RPGRIP1L: variants seen among roughly 807,000 people sequenced by gnomAD.
RPGRIP1L encodes protein fantom.
In RPGRIP1L, 131 loss-of-function variants were observed where a neutral mutation model predicts 160.4. The ratio of observed to expected loss-of-function variants is 0.82; its 90% confidence interval spans 0.71 to 0.94. RPGRIP1L has a LOEUF of 0.94. Among genes scored for constraint, RPGRIP1L ranks in the 40% least tolerant of loss-of-function variants. The pLI is 0.00. For missense variants in RPGRIP1L, 1,522 were observed against 1,535.8 expected, an observed-to-expected ratio of 0.99 and a Z score of 0.15; for synonymous variants, 510 against 515.8, an observed-to-expected ratio of 0.99 and a Z score of 0.15.
chr16:53,642,610 T>G (rs1966297325), intron 17 of RPGRIP1L, among the ~76,000 whole-genome samples: 1 of 152,040 alleles, frequency 6.6e-6, no homozygotes, highest in African/African-American at 2.4e-5. Context: ...AAACAACCAT[T>G]TAAGGAGTCT....
In RPGRIP1L at chr16:53,630,800, T is replaced by C. The variant is rs574595192; in HGVS notation, c.3294+5639A>G. Among the ~76,000 whole-genome samples, 52 of 152,240 alleles carry C rather than the reference T, an allele frequency of 3.4e-4. 1 individual carries two copies. The East Asian group carries it at 9.6e-3, about 28-fold the overall frequency. On this transcript the variant is annotated intron_variant, in intron 22 of 26. Coordinates refer to ENST00000647211, the MANE Select transcript of RPGRIP1L (RefSeq NM_015272.5). ...CCCAGGCTGGAGTGCAGTGGTGCAA[T>C]CTCGACTCACTGCAACCTCTGCCTC...
Position 53,641,100 on chromosome 16 carries a change from G to A in RPGRIP1L, c.2891C>T (p.Pro964Leu), listed in dbSNP as rs1277659338. The A allele has an allele frequency of 1.2e-6, 2 of 1,613,618 alleles. No individual in the cohort carries two copies. The highest frequency in any genetic ancestry group is 1.1e-5 in the South Asian group (1 of 91,046). Reference protein sequence around the residue: ...STLVLAPRPKPRQRLTPVDKK... With the variant: ...STLVLAPRPKLRQRLTPVDKK... ...ATCTACAGGTGTTAAACGTTGTCTT[G>A]GTTTAGGTCTTGGTGCCTAAGACAA... The change falls in exon 19 of 27, where the codon CCA (proline) becomes CTA (leucine). Residue 964 changes from proline to leucine, a missense_variant. Pro to Leu is a moderately conservative substitution (Grantham distance 98). Transcript: ENST00000647211.
At chr16:53,671,180 A>C (rs905951986) in intron 9 of RPGRIP1L, among the ~76,000 whole-genome samples, 1 of 151,988 alleles carries the variant, frequency 6.6e-6, no homozygotes, top group African/African-American at 2.4e-5. Context: ...TAATACATAC[A>C]TTTCAGGGTG....
intron 24 of RPGRIP1L, among the ~76,000 whole-genome samples, chr16:53,614,965 T>C (rs903534048): frequency 3.9e-5 from 6 of 152,226 alleles, no homozygotes; most frequent in African/African-American, 1.4e-4. Flanking sequence ...ATCAATGTCA[T>C]ATGGCAGAAG....
At chr16:53,657,224 C>T (rs536338978) in intron 13 of RPGRIP1L, among the ~76,000 whole-genome samples, 25 of 151,634 alleles carry the variant, frequency 1.6e-4, no homozygotes, top group Non-Finnish European at 3.2e-4. Flanking sequence ...TGGGTGACAA[C>T]AGCAAAACTC....
At chr16:53,675,510 A>G (rs1341411775) in intron 6 of RPGRIP1L, among the ~76,000 whole-genome samples, 1 of 152,178 alleles carries the variant, frequency 6.6e-6, no homozygotes, top group East Asian at 1.9e-4. Flanking sequence ...AAGGAGGACT[A>G]TCACGCTACT....
chr16:53,678,547 A>G (rs945874351), intron 6 of RPGRIP1L, among the ~76,000 whole-genome samples: 3 of 152,092 alleles, frequency 2.0e-5, no homozygotes, highest in African/African-American at 7.2e-5. Flanking sequence ...CAGGCATTCA[A>G]TTCCCCTCCC....
At chr16:53,636,398 C>T (rs1965832559) in intron 22 of RPGRIP1L, 41 bp downstream of exon 22, 1 of 1,356,892 alleles carries the variant, frequency 7.4e-7, no homozygotes, top group Non-Finnish European at 1.1e-6. Flanking sequence ...TGAAAGGCAG[C>T]CTTATTTCAG....
At chr16:53,662,285 C>T (rs1048489582) in intron 10 of RPGRIP1L, among the ~76,000 whole-genome samples, 2 of 152,126 alleles carry the variant, frequency 1.3e-5, no homozygotes, top group Non-Finnish European at 2.9e-5. Flanking sequence ...TTATGCATTT[C>T]AGCTAAAGAT....
chr16:53,636,941 GACAC>G (rs34373919), intron 21 of RPGRIP1L, among the ~76,000 whole-genome samples: 18,638 of 141,924 alleles, frequency 0.13, 1,285 homozygotes, highest in East Asian at 0.28. Flanking sequence ...TGCAATATTT[GACAC>G]ACACACACAC....
At chr16:53,647,112 T>A (rs1436054072) in intron 16 of RPGRIP1L, among the ~76,000 whole-genome samples, 1 of 152,188 alleles carries the variant, frequency 6.6e-6, no homozygotes, top group East Asian at 1.9e-4. Flanking sequence ...GTGGTCTCCT[T>A]ATCTCTAACT....
In RPGRIP1L at chr16:53,701,718, T is replaced by C. The variant is rs375061172; in HGVS notation, c.-7-988A>G. 8.6e-5 allele frequency: 13 copies of C among 151,890 alleles called. No homozygotes were observed. The East Asian group carries it at 1.9e-3, about 23-fold the overall frequency. 9.4% of individuals were successfully genotyped at this position (151,890 alleles called of 1,614,324 possible). On this transcript the variant is annotated intron_variant, in intron 1 of 26. Coordinates refer to ENST00000647211, the MANE Select transcript of RPGRIP1L (RefSeq NM_015272.5). ...TATTCTTGGAGGCTAGCATAGAGCG[T>C]GGTGCATTCTGAGAGCAGGCATTCA...
intron 13 of RPGRIP1L, 102 bp from the exon 14 acceptor site, chr16:53,656,691 A>AG: frequency 1.1e-6 from 1 of 869,666 alleles, no homozygotes; most frequent in Non-Finnish European, 1.9e-6. Context: ...TGGAAATAGT[A>AG]GGAGCTATGA....
At chr16:53,673,111 T>C (rs1430714515) in intron 7 of RPGRIP1L, 95 bp from the exon 8 acceptor site, 3 of 1,211,216 alleles carry the variant, frequency 2.5e-6, no homozygotes, top group East Asian at 2.5e-5. Flanking sequence ...ATTCTATAAA[T>C]GAATTTACTC....
chr16:53,695,181 G>A (rs568908184), intron 3 of RPGRIP1L: 70 of 561,980 alleles, frequency 1.2e-4, no homozygotes, highest in African/African-American at 1.1e-3. Flanking sequence ...GAAAAAAATT[G>A]TTAGGTGGTC....
At chr16:53,696,376 T>C in intron 2 of RPGRIP1L, 81 bp from the exon 3 acceptor site, 1 of 1,419,712 alleles carries the variant, frequency 7.0e-7, no homozygotes, top group Non-Finnish European at 9.9e-7. Context: ...TAATCTCTGA[T>C]GCACTCATCT....
At chr16:53,649,411 T>C (rs1006581997) in intron 15 of RPGRIP1L, among the ~76,000 whole-genome samples, 6 of 152,216 alleles carry the variant, frequency 3.9e-5, no homozygotes, top group African/African-American at 1.4e-4. Flanking sequence ...AATCTAAACA[T>C]TGGATCAAAT....
In RPGRIP1L at chr16:53,617,377, T is replaced by G. The variant is rs371685078; in HGVS notation, c.3616+1648A>C. On this transcript the variant is annotated intron_variant, in intron 24 of 26. Coordinates refer to ENST00000647211, the MANE Select transcript of RPGRIP1L (RefSeq NM_015272.5). ...AGAGTTTGTCATTTTTCTTGGGGTA[T>G]CTTTCTTAAAATTAGTTGAATGCAA... Among the ~76,000 whole-genome samples, 86 of 152,336 alleles carry G rather than the reference T, an allele frequency of 5.6e-4. 1 individual carries two copies. The highest frequency in any genetic ancestry group is 1.9e-3 in the African/African-American group (81 of 41,574).
At chr16:53,655,138 G>A (rs1967139210) in intron 14 of RPGRIP1L, among the ~76,000 whole-genome samples, 1 of 152,166 alleles carries the variant, frequency 6.6e-6, no homozygotes, top group South Asian at 2.1e-4. Context: ...ATTAAATGCA[G>A]AAGCAGATAT....
Sources: gnomAD v4.1 joint callset for allele counts (sites outside exome capture counted in the v4.1 genomes callset) on GRCh38, gnomAD v4.1.1 for gene constraint, MANE v1.5 for transcripts, NCBI Gene and HGNC (gene_info 2026-07-23, HGNC 2026-07-21) for gene names.